HHAT: variants seen among roughly 807,000 people sequenced by gnomAD.
HHAT encodes protein-cysteine N-palmitoyltransferase HHAT.
A neutral mutation model predicts 70.8 loss-of-function variants in HHAT; 47 were observed. The observed-to-expected ratio is 0.66, with a 90% CI of 0.53 to 0.85. The LOEUF is 0.85. Ranked by LOEUF, HHAT falls within the 40% of genes least tolerant of loss-of-function variation. The pLI is 0.00. For missense variants in HHAT, 609 were observed against 604.8 expected, an observed-to-expected ratio of 1.01 and a Z score of -0.07; for synonymous variants, 228 against 247.6, an observed-to-expected ratio of 0.92 and a Z score of 0.74.
intron 11 of HHAT, among the ~76,000 whole-genome samples, chr1:210,628,907 G>A (rs1202556512): frequency 6.6e-6 from 1 of 152,138 alleles, no homozygotes; most frequent in African/African-American, 2.4e-5. Flanking sequence ...GAAAGAGGAC[G>A]GAGGGCAGGT....
intron 7 of HHAT, chr1:210,462,643 C>T (rs1294107396): frequency 1.3e-5 from 2 of 152,246 alleles, no homozygotes; most frequent in Non-Finnish European, 2.9e-5. Context: ...GTCTGAAGAA[C>T]CTGTTTGATC....
chr1:210,560,412 T>C (rs944867778), intron 9 of HHAT, among the ~76,000 whole-genome samples: 5 of 152,062 alleles, frequency 3.3e-5, no homozygotes, highest in Non-Finnish European at 5.9e-5. Flanking sequence ...TAATGGGAAG[T>C]TATTCCCTGA....
At position 210,443,267 on chromosome 1, in the gene HHAT, G is replaced by A. The variant is rs1468165763; in HGVS notation, c.857-21238G>A. ...CTGTAGCCTTGTAGTATAGTTTGAG[G>A]TCAGGTAGTGTGATGCCTCCAGCTT... On this transcript the variant is annotated intron_variant, in intron 7 of 11. Coordinates refer to ENST00000261458, the MANE Select transcript of HHAT (RefSeq NM_018194.6). Among the ~76,000 whole-genome samples the A allele has an allele frequency of 3.9e-5, 6 of 151,976 alleles. No individual in the cohort carries two copies. In the East Asian group the frequency reaches 1.2e-3, roughly 30 times the overall value.
intron 6 of HHAT, among the ~76,000 whole-genome samples, chr1:210,405,519 T>C (rs1382609981): frequency 6.6e-6 from 1 of 152,088 alleles, no homozygotes; most frequent in Non-Finnish European, 1.5e-5. Context: ...CAGACATGCA[T>C]GCACACGCAG....
Position 210,623,641 on chromosome 1 carries a change from A to T in HHAT, c.1361A>T (p.Lys454Ile). 4.3e-6 allele frequency: 7 copies of T among 1,614,038 alleles called. No individual in the cohort carries two copies. Among genetic ancestry groups the T allele is most frequent in the Non-Finnish European group, 5.9e-6 (7 of 1,179,966 alleles). ...LVFLGGNEVG[K>I]TYWNRIFIQG... ...TTTCTTGGGGGCAATGAGGTTGGGA[A>T]AACCTACTGGAATAGGATCTTCATA... Residue 454 changes from lysine to isoleucine, a missense_variant, in exon 11 of 12, where the codon AAA (lysine) becomes ATA (isoleucine). Physicochemically the swap from Lys to Ile is moderately radical, Grantham distance 102. Coordinates refer to ENST00000261458, the MANE Select transcript of HHAT (RefSeq NM_018194.6).
At chr1:210,532,201 G>T (rs1289999614) in intron 9 of HHAT, among the ~76,000 whole-genome samples, 7 of 152,194 alleles carry the variant, frequency 4.6e-5, no homozygotes, top group East Asian at 1.9e-4. Flanking sequence ...AATGGAAATA[G>T]ATTTTTGAAC....
At chr1:210,458,900 T>G (rs1174050526) in intron 7 of HHAT, among the ~76,000 whole-genome samples, 1 of 152,180 alleles carries the variant, frequency 6.6e-6, no homozygotes, top group Non-Finnish European at 1.5e-5. Flanking sequence ...TGGGTAGGTA[T>G]GTATGTCAAT....
intron 7 of HHAT, among the ~76,000 whole-genome samples, chr1:210,432,476 C>G (rs1246416126): frequency 6.6e-6 from 1 of 151,866 alleles, no homozygotes; most frequent in Admixed American, 6.6e-5. Context: ...AATGGGAGGT[C>G]ATAATTGACT....
intron 1 of HHAT, among the ~76,000 whole-genome samples, chr1:210,344,723 C>T (rs2086356882): frequency 6.6e-6 from 1 of 152,128 alleles, no homozygotes; most frequent in African/African-American, 2.4e-5. Context: ...TCTTTAGGCT[C>T]CTTCAGCCTG....
chr1:210,360,163 T>C (rs1006928816), intron 2 of HHAT, among the ~76,000 whole-genome samples: 4 of 152,168 alleles, frequency 2.6e-5, no homozygotes, highest in African/African-American at 9.7e-5. Flanking sequence ...TTAAGACAAT[T>C]TGAAAACAGT....
At chr1:210,515,846 T>A (rs2095047109) in intron 9 of HHAT, among the ~76,000 whole-genome samples, 1 of 150,358 alleles carries the variant, frequency 6.7e-6, no homozygotes, top group Admixed American at 6.6e-5. Context: ...GGCAGGCAGA[T>A]CACTTGAAGC....
chr1:210,623,411 G>A (rs1156873414), intron 10 of HHAT, 115 bp from the exon 11 acceptor site: 60 of 1,124,746 alleles, frequency 5.3e-5, no homozygotes, highest in Non-Finnish European at 7.9e-5. Flanking sequence ...ATAATGACCT[G>A]GTTTGGGCTC....
intron 6 of HHAT, among the ~76,000 whole-genome samples, chr1:210,412,644 T>G (rs1378339479): frequency 6.6e-6 from 1 of 152,182 alleles, no homozygotes; most frequent in Non-Finnish European, 1.5e-5. Flanking sequence ...CCAGGCCCAC[T>G]AGGGTGGAGG....
intron 9 of HHAT, among the ~76,000 whole-genome samples, chr1:210,556,622 G>T (rs115802842): frequency 6.6e-6 from 1 of 152,132 alleles, no homozygotes. Context: ...CCTCCAAGAG[G>T]GGAGCTGATA....
intron 6 of HHAT, among the ~76,000 whole-genome samples, chr1:210,409,339 G>C (rs569484448): frequency 6.6e-6 from 1 of 152,284 alleles, no homozygotes; most frequent in South Asian, 2.1e-4. Context: ...GGGGGATGGA[G>C]TGTGGCCTAG....
At position 210,336,287 on chromosome 1, in the gene HHAT, A is replaced by ATTTTTTTTTTTT. The variant is rs541795412; in HGVS notation, c.-44+7195_-44+7206dup. Among the ~76,000 whole-genome samples the ATTTTTTTTTTTT allele has an allele frequency of 1.8e-3, 155 of 84,604 alleles. 15 individuals carry two copies. Among genetic ancestry groups the ATTTTTTTTTTTT allele is most frequent in the African/African-American group, 6.1e-3 (135 of 22,096 alleles). The allele number at this position is 84,604 out of a possible 152,430, so 55.5% of individuals were successfully genotyped here. On this transcript the variant is annotated intron_variant, in intron 1 of 11. Coordinates refer to ENST00000261458, the MANE Select transcript of HHAT (RefSeq NM_018194.6). ...AGGCATGCACCACTGTGCCTGGCTA[A>ATTTTTTTTTTTT]TTTTTTTTTTTTTTTTTTTTTTTAG...
chr1:210,431,703 T>A (rs975710801), intron 7 of HHAT, among the ~76,000 whole-genome samples: 1 of 151,822 alleles, frequency 6.6e-6, no homozygotes, highest in African/African-American at 2.4e-5. Context: ...CCATGATTAG[T>A]TGTAACCAGG....
At position 210,674,627 on chromosome 1, in the gene HHAT, C is replaced by T. The variant is rs536645290; in HGVS notation, c.*248C>T. On this transcript the variant is annotated 3_prime_UTR_variant, in exon 12 of 12. Transcript: ENST00000261458. ...ATTGAGGAAACGGGTCCAGGGCAGT[C>T]GTGTGTCTTACCCAGCTACACAGGG... 6.4e-6 allele frequency: 3 copies of T among 469,720 alleles called. No individual in the cohort carries two copies. Among genetic ancestry groups the T allele is most frequent in the African/African-American group, 3.9e-5 (2 of 51,028 alleles). The allele number at this position is 469,720 out of a possible 1,614,324, so 29.1% of individuals were successfully genotyped here. A position where few individuals can be genotyped will look rare whatever the true frequency, so the allele number is the denominator to read the frequency against.
At chr1:210,584,193 C>T (rs967864594) in intron 9 of HHAT, among the ~76,000 whole-genome samples, 1 of 151,822 alleles carries the variant, frequency 6.6e-6, no homozygotes. Flanking sequence ...CCCCCAGCCT[C>T]GGCTTCCCAA....
Sources: allele counts gnomAD v4.1 joint callset (sites outside exome capture counted in the v4.1 genomes callset), GRCh38; gene constraint gnomAD v4.1.1; transcripts MANE v1.5; gene names NCBI Gene and HGNC (gene_info 2026-07-23, HGNC 2026-07-21).